Variants in PDK1 observed in about 807,000 individuals in gnomAD.
PDK1 encodes pyruvate dehydrogenase kinase 1.
Under a neutral mutation model 54.2 loss-of-function variants are expected in PDK1, and 39 were observed. The ratio of observed to expected loss-of-function variants is 0.72; its 90% CI spans 0.56 to 0.94. The LOEUF (loss-of-function observed/expected upper bound fraction) is 0.94. PDK1 is among the 40% of genes least tolerant of loss of function. The pLI, the probability that PDK1 is intolerant of heterozygous loss-of-function variation, is 0.00. For missense variants in PDK1, 552 were observed against 566.0 expected, an observed-to-expected ratio of 0.98 and a Z score of 0.25; for synonymous variants, 221 against 207.1, an observed-to-expected ratio of 1.07 and a Z score of -0.58.
chr2:172,652,170 A>G, the PDK1 span, among the ~76,000 whole-genome samples: 1 of 152,224 alleles, frequency 6.6e-6, no homozygotes, highest in African/African-American at 2.4e-5. Context: ...CAGCATACAC[A>G]AATCAATGAA....
chr2:172,722,114 C>T, the PDK1 span, among the ~76,000 whole-genome samples: 1 of 152,248 alleles, frequency 6.6e-6, no homozygotes, highest in Admixed American at 6.5e-5. Context: ...TCCCTTACCA[C>T]CAGGTGGATG....
chr2:172,556,243 C>G lies in PDK1; in HGVS notation c.93C>G (p.Asp31Glu). Residue 31 changes from aspartate to glutamate, a missense_variant, in exon 1 of 11, where the codon GAC (aspartate) becomes GAG (glutamate). Physicochemically the swap from Asp to Glu is conservative, Grantham distance 45. Transcript: ENST00000282077. ...AAGFSRSFSSDSGSSPASERG... is the reference protein window; with the variant it reads ...AAGFSRSFSSESGSSPASERG... ...GCTTCAGCCGCAGCTTCAGCTCGGA[C>G]TCGGGCTCCAGCCCGGCGTCCGAGC... 1 of 1,467,522 alleles carries G rather than the reference C, an allele frequency of 6.8e-7. No individual in the cohort carries two copies. The highest frequency in any genetic ancestry group is 9.0e-7 in the Non-Finnish European group (1 of 1,115,968). 90.9% of individuals were successfully genotyped at this position (1,467,522 alleles called of 1,614,324 possible). A position where few individuals can be genotyped will look rare whatever the true frequency, so the allele number is the denominator to read the frequency against.
the PDK1 span, among the ~76,000 whole-genome samples, chr2:172,688,640 A>C: frequency 1.3e-5 from 2 of 152,196 alleles, no homozygotes; most frequent in African/African-American, 4.8e-5. Context: ...GAAGAGGCAG[A>C]AGAGTCTTTA....
chr2:172,596,983 A>G lies in PDK1; in HGVS notation c.*1014A>G, dbSNP rs1405554644. On this transcript the variant is annotated 3_prime_UTR_variant, in exon 11 of 11. Coordinates refer to ENST00000282077, the MANE Select transcript of PDK1 (RefSeq NM_002610.5). The stretch of plus-strand genomic sequence containing the variant: ...TCCACCTATTTAAAGTCAGATTTAT[A>G]GACTCGAGGAGACAGAAACTGAATC... 1 of 152,206 alleles carries G rather than the reference A, an allele frequency of 6.6e-6. No individual in the cohort carries two copies. Among genetic ancestry groups the G allele is most frequent in the Non-Finnish European group, 1.5e-5 (1 of 68,046 alleles). The allele number at this position is 152,206 out of a possible 1,614,324, so 9.4% of individuals were successfully genotyped here.
the PDK1 span, among the ~76,000 whole-genome samples, chr2:172,616,367 G>A: frequency 6.6e-6 from 1 of 152,128 alleles, no homozygotes; most frequent in African/African-American, 2.4e-5. Flanking sequence ...GCGAAATACA[G>A]CAGTTAATGA....
At chr2:172,718,792 T>G in the PDK1 span, among the ~76,000 whole-genome samples, 1 of 152,108 alleles carries the variant, frequency 6.6e-6, no homozygotes, top group Non-Finnish European at 1.5e-5. Flanking sequence ...GAAGCCAGAG[T>G]CCCTGTCTTT....
At position 172,565,038 on chromosome 2, in the gene PDK1, T is replaced by A; in HGVS notation, c.656T>A (p.Ile219Lys). Reference protein sequence around the residue: ...SPSHRKHIGSINPNCNVLEVI... With the variant: ...SPSHRKHIGSKNPNCNVLEVI... ...TCTCATCGAAAACACATTGGAAGCA[T>A]AAATCCAAACTGCAATGTACTTGAA... The change falls in exon 5 of 11, where the codon ATA becomes AAA. Residue 219 changes from isoleucine (I) to lysine (K), a missense_variant. By Grantham distance (102) the Ile-to-Lys change is moderately radical (BLOSUM62 -3). Transcript: ENST00000282077. 6.2e-7 allele frequency: 1 copy of A among 1,610,626 alleles called. No homozygotes were observed. Among genetic ancestry groups the A allele is most frequent in the Non-Finnish European group, 8.5e-7 (1 of 1,176,936 alleles).
At chr2:172,575,653 C>G (rs867079893) in intron 8 of PDK1, among the ~76,000 whole-genome samples, 49 of 152,058 alleles carry the variant, frequency 3.2e-4, no homozygotes, top group Middle Eastern at 6.8e-3. Flanking sequence ...AAAACTCCAT[C>G]TCTACTAAAA....
the PDK1 span, among the ~76,000 whole-genome samples, chr2:172,688,952 C>T: frequency 6.6e-6 from 1 of 152,186 alleles, no homozygotes; most frequent in Non-Finnish European, 1.5e-5. Context: ...GTGAGTGTTA[C>T]AGCTCTTAAA....
At chr2:172,556,375 T>C in intron 1 of PDK1, 29 bp downstream of exon 1, 1 of 1,386,146 alleles carries the variant, frequency 7.2e-7, no homozygotes, top group South Asian at 1.7e-5. Context: ...CTTGGGCCTT[T>C]TTGCGCGGTC....
At chr2:172,708,739 C>T in the PDK1 span, among the ~76,000 whole-genome samples, 1 of 152,146 alleles carries the variant, frequency 6.6e-6, no homozygotes, top group Admixed American at 6.5e-5. Flanking sequence ...CAAGTCTAAA[C>T]ACAAAATTTA....
chr2:172,562,799 A>T (rs899077710), intron 3 of PDK1: 3 of 1,611,708 alleles, frequency 1.9e-6, no homozygotes, highest in African/African-American at 2.7e-5. Flanking sequence ...CTGCAAGATG[A>T]TGTAAGTAAT....
At chr2:172,723,147 A>G in the PDK1 span, 1 of 152,174 alleles carries the variant, frequency 6.6e-6, no homozygotes, top group African/African-American at 2.4e-5. Context: ...CAGTCCTGAT[A>G]TAGATAAACT....
the PDK1 span, among the ~76,000 whole-genome samples, chr2:172,624,533 A>G: frequency 3.6e-4 from 55 of 151,840 alleles, no homozygotes; most frequent in Admixed American, 3.5e-3. Context: ...CCCGAACACC[A>G]TCCATGGAAA....
chr2:172,664,538 A>C, the PDK1 span, among the ~76,000 whole-genome samples: 1 of 151,978 alleles, frequency 6.6e-6, no homozygotes, highest in East Asian at 1.9e-4. Flanking sequence ...TTACTCAGTG[A>C]TCTCTAGGAA....
rs1270554139 is a variant in PDK1, at chr2:172,599,491, G to A, written c.*3522G>A. ...CATATGGGTAATCAGGGTTGAGTTAGGTAGTTTGCAAACATGACTTTTGCT... is the reference window on the plus strand; with the variant it reads ...CATATGGGTAATCAGGGTTGAGTTAAGTAGTTTGCAAACATGACTTTTGCT... On this transcript the variant is annotated 3_prime_UTR_variant, in exon 11 of 11. Transcript: ENST00000282077. 3.3e-5 allele frequency: 5 copies of A among 152,100 alleles called. No individual in the cohort carries two copies. Among genetic ancestry groups the A allele is most frequent in the Non-Finnish European group, 5.9e-5 (4 of 67,996 alleles). 9.4% of individuals were successfully genotyped at this position (152,100 alleles called of 1,614,324 possible). A position where few individuals can be genotyped will look rare whatever the true frequency, so the allele number is the denominator to read the frequency against.
chr2:172,693,238 A>G, the PDK1 span, among the ~76,000 whole-genome samples: 1 of 152,250 alleles, frequency 6.6e-6, no homozygotes, highest in African/African-American at 2.4e-5. Context: ...TGCCCTGGGA[A>G]GTGTTGATGG....
the PDK1 span, among the ~76,000 whole-genome samples, chr2:172,631,646 T>C: frequency 6.6e-6 from 1 of 152,164 alleles, no homozygotes; most frequent in East Asian, 1.9e-4. Flanking sequence ...CTTTTCCCTT[T>C]CCTTCTTTTC....
In PDK1 at chr2:172,598,847, A is replaced by G. The variant is rs1403241995; in HGVS notation, c.*2878A>G. The G allele has an allele frequency of 6.6e-6, 1 of 152,210 alleles. No individual in the cohort carries two copies. Among genetic ancestry groups the G allele is most frequent in the African/African-American group, 2.4e-5 (1 of 41,454 alleles). 9.4% of individuals were successfully genotyped at this position (152,210 alleles called of 1,614,324 possible). A position where few individuals can be genotyped will look rare whatever the true frequency, so the allele number is the denominator to read the frequency against. ...TTTTAAAAATATAGTCATCTCTTTT[A>G]AATAGAATCCTCTTCCACCATCAAG... On this transcript the variant is annotated 3_prime_UTR_variant, in exon 11 of 11. Transcript: ENST00000282077.
Sources: allele counts gnomAD v4.1 joint callset (sites outside exome capture counted in the v4.1 genomes callset), GRCh38; gene constraint gnomAD v4.1.1; transcripts MANE v1.5; gene names NCBI Gene and HGNC (gene_info 2026-07-23, HGNC 2026-07-21).